Variants in ZFPM2 observed in about 807,000 individuals in gnomAD.
ZFPM2 encodes the protein zinc finger protein, FOG family member 2, also known as zinc finger protein ZFPM2.
Under a neutral mutation model 98.6 loss-of-function variants are expected in ZFPM2, and 20 were observed. The observed-to-expected ratio is 0.20, with a 90% confidence interval of 0.14 to 0.29. The LOEUF (loss-of-function observed/expected upper bound fraction) is 0.29, where lower values mean the gene tolerates loss of function less well. ZFPM2 is among the 10% of genes least tolerant of loss of function. ZFPM2 has a pLI of 1.00. For missense variants in ZFPM2, 1,310 were observed against 1,388.6 expected, an observed-to-expected ratio of 0.94 and a Z score of 0.90; for synonymous variants, 518 against 502.7, an observed-to-expected ratio of 1.03 and a Z score of -0.41.
chr8:105,377,029 C>T (rs1019052344), intron 1 of ZFPM2, among the ~76,000 whole-genome samples: 3 of 152,168 alleles, frequency 2.0e-5, no homozygotes, highest in African/African-American at 7.2e-5. Flanking sequence ...GTGCTCTAAC[C>T]ATGTGGCTCT....
intron 5 of ZFPM2, among the ~76,000 whole-genome samples, chr8:105,764,257 CTCTCTCTCTCTT>C (rs1040781257): frequency 2.8e-5 from 4 of 142,600 alleles, no homozygotes; most frequent in African/African-American, 1.1e-4. Context: ...AGGTTTAAAA[CTCTCTCTCTCTT>C]TCTCTCTCTC....
intron 5 of ZFPM2, among the ~76,000 whole-genome samples, chr8:105,754,231 G>T (rs1381608148): frequency 6.6e-6 from 1 of 152,094 alleles, no homozygotes; most frequent in Non-Finnish European, 1.5e-5. Context: ...CACGATGAGG[G>T]AGGTGGTCCC....
chr8:105,661,494 G>A (rs1303046627), intron 5 of ZFPM2, among the ~76,000 whole-genome samples: 3 of 152,086 alleles, frequency 2.0e-5, no homozygotes, highest in African/African-American at 7.2e-5. Context: ...TGATAAGGAG[G>A]AAATCTGTAA....
chr8:105,407,947 A>C (rs1262375559), intron 1 of ZFPM2, among the ~76,000 whole-genome samples: 1 of 151,902 alleles, frequency 6.6e-6, no homozygotes, highest in African/African-American at 2.4e-5. Flanking sequence ...AGTTTATGAT[A>C]CAAGTATTGG....
At chr8:105,755,741 G>A (rs1294309966) in intron 5 of ZFPM2, among the ~76,000 whole-genome samples, 1 of 151,908 alleles carries the variant, frequency 6.6e-6, no homozygotes, top group Admixed American at 6.6e-5. Context: ...AAAAACAAGG[G>A]TTTCTAATTT....
At chr8:105,497,828 A>G (rs1244053654) in intron 3 of ZFPM2, among the ~76,000 whole-genome samples, 2 of 152,076 alleles carry the variant, frequency 1.3e-5, no homozygotes, top group East Asian at 3.9e-4. Flanking sequence ...TCACTATTCC[A>G]TATTGGAATA....
intron 5 of ZFPM2, among the ~76,000 whole-genome samples, chr8:105,654,786 G>T (rs529100959): frequency 7.2e-5 from 11 of 152,082 alleles, no homozygotes; most frequent in Non-Finnish European, 1.6e-4. Flanking sequence ...TTGTAGTGAC[G>T]CCTGTCAAAT....
intron 3 of ZFPM2, among the ~76,000 whole-genome samples, chr8:105,522,113 A>G (rs1563697756): frequency 6.6e-6 from 1 of 152,228 alleles, no homozygotes; most frequent in African/African-American, 2.4e-5. Flanking sequence ...AAGAAATGTC[A>G]TTTAGTCAAT....
chr8:105,341,530 AATGTT>A (rs1443868443), intron 1 of ZFPM2, among the ~76,000 whole-genome samples: 1 of 151,972 alleles, frequency 6.6e-6, no homozygotes, highest in African/African-American at 2.4e-5. Flanking sequence ...ATGTTACTGT[AATGTT>A]AACAATATAA....
At chr8:105,325,281 A>G (rs1388417906) in intron 1 of ZFPM2, among the ~76,000 whole-genome samples, 1 of 151,898 alleles carries the variant, frequency 6.6e-6, no homozygotes, top group African/African-American at 2.4e-5. Flanking sequence ...AATTAAATTA[A>G]TAAGCTCAGA....
chr8:105,506,450 A>G (rs1028044112), intron 3 of ZFPM2, among the ~76,000 whole-genome samples: 14 of 152,180 alleles, frequency 9.2e-5, no homozygotes, highest in African/African-American at 3.4e-4. Context: ...GAAATATAAT[A>G]TTTTAAAAAT....
intron 3 of ZFPM2, among the ~76,000 whole-genome samples, chr8:105,540,734 G>T (rs1477198383): frequency 6.6e-6 from 1 of 152,050 alleles, no homozygotes; most frequent in Non-Finnish European, 1.5e-5. Flanking sequence ...TCAGCAGACT[G>T]CATTGTCTCT....
At chr8:105,459,510 G>T (rs1386955504) in intron 3 of ZFPM2, among the ~76,000 whole-genome samples, 1 of 152,142 alleles carries the variant, frequency 6.6e-6, no homozygotes, top group Non-Finnish European at 1.5e-5. Flanking sequence ...CTCCCATAAT[G>T]TAATACCACA....
intron 3 of ZFPM2, among the ~76,000 whole-genome samples, chr8:105,517,707 C>CACACACACA (rs61552974): frequency 8.0e-6 from 1 of 124,890 alleles, no homozygotes; most frequent in Non-Finnish European, 1.6e-5. Flanking sequence ...CACACACACA[C>CACACACACA]CACACACACA....
intron 5 of ZFPM2, among the ~76,000 whole-genome samples, chr8:105,724,300 A>G (rs937168423): frequency 2.6e-5 from 4 of 151,878 alleles, no homozygotes; most frequent in African/African-American, 9.7e-5. Context: ...GTCATCCTGA[A>G]ATAGTGGGCA....
At chr8:105,381,384 CTTGA>C (rs1272591331) in intron 1 of ZFPM2, among the ~76,000 whole-genome samples, 1 of 151,904 alleles carries the variant, frequency 6.6e-6, no homozygotes, top group Non-Finnish European at 1.5e-5. Flanking sequence ...CTTCATTCTT[CTTGA>C]TTGATAGTTA....
intron 5 of ZFPM2, among the ~76,000 whole-genome samples, chr8:105,763,052 A>C (rs780297896): frequency 4.6e-4 from 65 of 140,466 alleles, no homozygotes; most frequent in Middle Eastern, 3.6e-3. Flanking sequence ...TGATGACTTT[A>C]TTTCTTTCTT....
intron 5 of ZFPM2, among the ~76,000 whole-genome samples, chr8:105,777,089 T>G (rs1813120929): frequency 1.3e-5 from 2 of 152,252 alleles, no homozygotes; most frequent in South Asian, 2.1e-4. Context: ...AATTTTAAAG[T>G]TGGGTTGACA....
At chr8:105,468,626 G>A (rs1812838736) in intron 3 of ZFPM2, among the ~76,000 whole-genome samples, 1 of 152,050 alleles carries the variant, frequency 6.6e-6, no homozygotes, top group Non-Finnish European at 1.5e-5. Flanking sequence ...TTTACTGTGA[G>A]ATGGGGAGTA....
Sources: gnomAD v4.1 joint callset for allele counts (sites outside exome capture counted in the v4.1 genomes callset) on GRCh38, gnomAD v4.1.1 for gene constraint, MANE v1.5 for transcripts, NCBI Gene and HGNC (gene_info 2026-07-23, HGNC 2026-07-21) for gene names.